Variants in LRRC37A2 observed in about 807,000 individuals in gnomAD.
The protein encoded by LRRC37A2 is leucine rich repeat containing 37 member A2, also known as leucine-rich repeat-containing protein 37A2.
LRRC37A2 carries 9 observed loss-of-function variants against 68.8 expected under a neutral mutation model. The ratio of observed to expected loss-of-function variants is 0.13; its 90% confidence interval spans 0.08 to 0.23. LRRC37A2 has a LOEUF of 0.23. LRRC37A2 is among the 10% of genes least tolerant of loss of function. The probability of loss-of-function intolerance (pLI) is 1.00; values close to 1 mark genes in which losing one functional copy is unlikely to be tolerated. For missense variants in LRRC37A2, 168 were observed against 950.4 expected, an observed-to-expected ratio of 0.18 and a Z score of 10.82; for synonymous variants, 63 against 367.6, an observed-to-expected ratio of 0.17 and a Z score of 9.48.
chr17:47,000,679 T>C, the LRRC37A2 span, among the ~76,000 whole-genome samples: 1 of 152,146 alleles, frequency 6.6e-6, no homozygotes, highest in Non-Finnish European at 1.5e-5. Context: ...CTCACTGACA[T>C]GCTAACTTAT....
chr17:46,855,751 T>G, the LRRC37A2 span, among the ~76,000 whole-genome samples: 1 of 152,164 alleles, frequency 6.6e-6, no homozygotes, highest in Non-Finnish European at 1.5e-5. Flanking sequence ...CAGGCTAGAG[T>G]GCAATGGTGT....
At chr17:46,894,027 A>G in the LRRC37A2 span, among the ~76,000 whole-genome samples, 5 of 152,202 alleles carry the variant, frequency 3.3e-5, no homozygotes, top group Admixed American at 2.6e-4. Context: ...CTTTATTTAC[A>G]GCCAGTGAAT....
the LRRC37A2 span, among the ~76,000 whole-genome samples, chr17:46,775,773 C>G: frequency 6.6e-6 from 1 of 151,868 alleles, no homozygotes; most frequent in Non-Finnish European, 1.5e-5. Flanking sequence ...ACCACCACGC[C>G]CGGCTAATTT....
the LRRC37A2 span, among the ~76,000 whole-genome samples, chr17:46,922,602 G>A: frequency 6.6e-6 from 1 of 152,160 alleles, no homozygotes; most frequent in African/African-American, 2.4e-5. Flanking sequence ...AGGGCAGGAG[G>A]AACCCGGTTT....
chr17:46,793,453 A>G, the LRRC37A2 span, among the ~76,000 whole-genome samples: 3 of 152,014 alleles, frequency 2.0e-5, no homozygotes, highest in African/African-American at 4.8e-5. Context: ...GCTCCCGCCT[A>G]TCAGTCTTTT....
the LRRC37A2 span, among the ~76,000 whole-genome samples, chr17:46,479,750 G>A: frequency 8.7e-5 from 9 of 104,028 alleles, no homozygotes; most frequent in East Asian, 2.2e-3. Flanking sequence ...CTCGTGATCC[G>A]CCCGCCTCAG....
the LRRC37A2 span, among the ~76,000 whole-genome samples, chr17:47,002,222 T>G: frequency 6.6e-6 from 1 of 152,200 alleles, no homozygotes; most frequent in Non-Finnish European, 1.5e-5. Flanking sequence ...GTAGTTTTTG[T>G]GGGTACATAG....
the LRRC37A2 span, among the ~76,000 whole-genome samples, chr17:46,769,352 A>T: frequency 1.6e-4 from 24 of 152,196 alleles, no homozygotes; most frequent in Admixed American, 7.8e-4. Context: ...AAGAAAAAAG[A>T]AATAGGAGTT....
chr17:46,770,174 G>A, the LRRC37A2 span: 11 of 1,296,936 alleles, frequency 8.5e-6, no homozygotes, highest in Admixed American at 2.8e-5. Context: ...CACCAGCCCT[G>A]AGGCAAGAGG....
chr17:46,976,503 C>T, the LRRC37A2 span, among the ~76,000 whole-genome samples: 3 of 151,900 alleles, frequency 2.0e-5, no homozygotes, highest in Admixed American at 6.5e-5. Context: ...GCCAAGATTG[C>T]GCCACTGCAC....
the LRRC37A2 span, among the ~76,000 whole-genome samples, chr17:46,903,671 A>T: frequency 6.6e-6 from 1 of 151,906 alleles, no homozygotes; most frequent in African/African-American, 2.4e-5. Context: ...TAGGTGCTCA[A>T]CAGGTGGGCG....
At chr17:46,943,316 G>C in the LRRC37A2 span, among the ~76,000 whole-genome samples, 1 of 152,266 alleles carries the variant, frequency 6.6e-6, no homozygotes, top group South Asian at 2.1e-4. Flanking sequence ...AAAGCACCTT[G>C]ATGTGACAGG....
the LRRC37A2 span, chr17:46,876,591 G>A: frequency 6.2e-7 from 1 of 1,613,322 alleles, no homozygotes; most frequent in Non-Finnish European, 8.5e-7. Context: ...AGCCTGTGCT[G>A]CGGGCGGGGC....
the LRRC37A2 span, among the ~76,000 whole-genome samples, chr17:46,829,389 C>T: frequency 3.9e-5 from 6 of 152,108 alleles, no homozygotes; most frequent in East Asian, 1.9e-4. Flanking sequence ...AGGCTGGTCT[C>T]GAACTCCTGA....
chr17:46,868,261 A>T, the LRRC37A2 span, among the ~76,000 whole-genome samples: 1 of 152,218 alleles, frequency 6.6e-6, no homozygotes, highest in Non-Finnish European at 1.5e-5. Context: ...CTGATCTGAT[A>T]GCATCTCATT....
chr17:46,900,217 A>T, the LRRC37A2 span, among the ~76,000 whole-genome samples: 130 of 131,638 alleles, frequency 9.9e-4, 1 homozygote, highest in African/African-American at 4.5e-3. Context: ...ACACACACAC[A>T]CACATATATA....
At chr17:46,911,923 A>G in the LRRC37A2 span, among the ~76,000 whole-genome samples, 8 of 152,220 alleles carry the variant, frequency 5.3e-5, no homozygotes, top group African/African-American at 1.9e-4. Flanking sequence ...AGATACCTGG[A>G]TATGAGGAGC....
the LRRC37A2 span, among the ~76,000 whole-genome samples, chr17:46,965,309 C>G: frequency 1.2e-4 from 19 of 152,176 alleles, no homozygotes; most frequent in African/African-American, 4.6e-4. Flanking sequence ...CTGCATCCTC[C>G]CTGGTGCCCT....
chr17:46,849,528 A>G, the LRRC37A2 span, among the ~76,000 whole-genome samples: 119 of 152,268 alleles, frequency 7.8e-4, no homozygotes, highest in Admixed American at 1.7e-3. Flanking sequence ...ACACTGGTCC[A>G]GCTCAGGCCC....
Sources: gnomAD v4.1 joint callset for allele counts (sites outside exome capture counted in the v4.1 genomes callset) on GRCh38, gnomAD v4.1.1 for gene constraint, MANE v1.5 for transcripts, NCBI Gene and HGNC (gene_info 2026-07-23, HGNC 2026-07-21) for gene names.